The following ME3 variants were observed in gnomAD, a reference collection of about 807,000 sequenced individuals.
ME3 encodes the protein malic enzyme 3.
Under a neutral mutation model 68.9 loss-of-function variants are expected in ME3, and 48 were observed. The observed-to-expected ratio is 0.70, with a 90% CI of 0.55 to 0.89. The LOEUF (loss-of-function observed/expected upper bound fraction) is 0.89, where lower values mean the gene tolerates loss of function less well. Ranked by LOEUF, ME3 falls within the 40% of genes least tolerant of loss-of-function variation. The pLI is 0.00. For missense variants in ME3, 675 were observed against 797.4 expected, an observed-to-expected ratio of 0.85 and a Z score of 1.85; for synonymous variants, 320 against 318.8, an observed-to-expected ratio of 1.00 and a Z score of -0.04.
chr11:86,542,546 AG>A (rs1956112388), intron 4 of ME3, among the ~76,000 whole-genome samples: 1 of 152,242 alleles, frequency 6.6e-6, no homozygotes, highest in South Asian at 2.1e-4. Context: ...AAGCGGTAGA[AG>A]GGTATCAAAG....
At chr11:86,605,636 A>G (rs550884894) in intron 2 of ME3, among the ~76,000 whole-genome samples, 7 of 152,206 alleles carry the variant, frequency 4.6e-5, no homozygotes, top group Non-Finnish European at 8.8e-5. Flanking sequence ...ATCGAAGTCA[A>G]TGATCCTTAA....
chr11:86,663,338 G>A (rs1458681352), intron 2 of ME3, among the ~76,000 whole-genome samples: 3 of 152,070 alleles, frequency 2.0e-5, no homozygotes, highest in African/African-American at 7.2e-5. Flanking sequence ...ACTCTTTACT[G>A]TGTCCTTTTG....
chr11:86,511,648 G>T (rs1016319723), intron 4 of ME3, among the ~76,000 whole-genome samples: 1 of 152,096 alleles, frequency 6.6e-6, no homozygotes, highest in African/African-American at 2.4e-5. Flanking sequence ...AACTGCCTTT[G>T]TAAGACTAAG....
intron 2 of ME3, among the ~76,000 whole-genome samples, chr11:86,647,263 G>C (rs1456801818): frequency 6.6e-6 from 1 of 152,116 alleles, no homozygotes; most frequent in Non-Finnish European, 1.5e-5. Context: ...TGGCAAATTG[G>C]ATAAAGAATC....
intron 2 of ME3, among the ~76,000 whole-genome samples, chr11:86,629,461 C>G (rs1179682446): frequency 6.6e-6 from 1 of 152,152 alleles, no homozygotes; most frequent in Admixed American, 6.5e-5. Flanking sequence ...CCTCCCCCTC[C>G]CCCGTGGGTA....
intron 2 of ME3, among the ~76,000 whole-genome samples, chr11:86,642,979 A>G (rs554745020): frequency 2.0e-5 from 3 of 147,580 alleles, no homozygotes; most frequent in East Asian, 4.6e-4. Flanking sequence ...ATGGATAAAT[A>G]TAAGGTTTCT....
chr11:86,581,226 G>T (rs147320494), intron 2 of ME3, among the ~76,000 whole-genome samples: 5 of 152,318 alleles, frequency 3.3e-5, no homozygotes, highest in African/African-American at 1.2e-4. Flanking sequence ...GTGTATGTGT[G>T]TGTATACACA....
At chr11:86,555,213 G>A (rs1565945510) in intron 4 of ME3, among the ~76,000 whole-genome samples, 4 of 152,176 alleles carry the variant, frequency 2.6e-5, no homozygotes, top group Admixed American at 2.6e-4. Flanking sequence ...GCTGTGACAG[G>A]CTTAGATATC....
At chr11:86,487,340 T>C in exon 7 of ME3, 1 of 1,613,888 alleles carries the variant, frequency 6.2e-7, no homozygotes, top group Non-Finnish European at 8.5e-7. Flanking sequence ...CACTTACTTG[T>C]CTGTCACAGC....
intron 2 of ME3, among the ~76,000 whole-genome samples, chr11:86,571,724 G>T (rs1486598469): frequency 6.6e-6 from 1 of 152,252 alleles, no homozygotes; most frequent in East Asian, 1.9e-4. Context: ...CTGGCCACCT[G>T]GTGGAGAAAC....
intron 7 of ME3, among the ~76,000 whole-genome samples, chr11:86,475,851 G>GTATATATATATATA (rs68158647): frequency 1.5e-4 from 17 of 114,618 alleles, no homozygotes; most frequent in African/African-American, 1.8e-4. Context: ...CTAATATTCA[G>GTATATATATATATA]TATATATATA....
chr11:86,541,921 G>T (rs566008491), intron 4 of ME3, among the ~76,000 whole-genome samples: 3 of 152,308 alleles, frequency 2.0e-5, no homozygotes, highest in South Asian at 2.1e-4. Flanking sequence ...GGCATCTGGT[G>T]GTTGCCCCTC....
At chr11:86,664,241 A>G (rs1054401611) in intron 2 of ME3, among the ~76,000 whole-genome samples, 1 of 152,202 alleles carries the variant, frequency 6.6e-6, no homozygotes, top group Admixed American at 6.5e-5. Flanking sequence ...ATCTCCCATA[A>G]TCTCACTGAC....
chr11:86,559,903 A>G, intron 2 of ME3, 80 bp from the exon 3 acceptor site: 3 of 1,497,678 alleles, frequency 2.0e-6, no homozygotes, highest in Non-Finnish European at 2.7e-6. Context: ...CCACCCACAG[A>G]TAGGTAAAAG....
At chr11:86,669,450 G>T (rs72959410) in intron 2 of ME3, among the ~76,000 whole-genome samples, 11,004 of 152,230 alleles carry the variant, frequency 0.072, 474 homozygotes, top group East Asian at 0.14. Context: ...GTTCCACATG[G>T]CTGGAAAGGT....
At chr11:86,650,874 GA>G (rs971042514) in intron 2 of ME3, among the ~76,000 whole-genome samples, 1 of 152,184 alleles carries the variant, frequency 6.6e-6, no homozygotes, top group Non-Finnish European at 1.5e-5. Context: ...AGGGCACCAG[GA>G]AAATCAGGTC....
chr11:86,593,161 A>G (rs530321841), intron 2 of ME3, among the ~76,000 whole-genome samples: 2 of 152,300 alleles, frequency 1.3e-5, no homozygotes, highest in South Asian at 4.1e-4. Flanking sequence ...TACCCTGACA[A>G]ATGAATGTGG....
chr11:86,636,896 G>A lies in ME3; in HGVS notation c.183+34866C>T, dbSNP rs973097536. The stretch of plus-strand genomic sequence containing the variant: ...TTTGCTTATAGTTACACAGCAGCTG[G>A]TAAGTAGCAGAGTAGGGTCTAAAAG... On this transcript the variant is annotated intron_variant, in intron 2 of 14. Coordinates refer to ENST00000543262, the Ensembl canonical transcript of ME3. 2.6e-5 allele frequency among the ~76,000 whole-genome samples: 4 copies of A among 152,304 alleles called. No homozygotes were observed. The South Asian group carries it at 6.2e-4, about 24-fold the overall frequency.
At chr11:86,518,863 C>A (rs1396144367) in intron 4 of ME3, among the ~76,000 whole-genome samples, 1 of 152,070 alleles carries the variant, frequency 6.6e-6, no homozygotes, top group African/African-American at 2.4e-5. Context: ...GAAGAAATAG[C>A]CAAGGGATGA....
Sources: allele counts gnomAD v4.1 joint callset (sites outside exome capture counted in the v4.1 genomes callset), GRCh38; gene constraint gnomAD v4.1.1; transcripts MANE v1.5; gene names NCBI Gene and HGNC (gene_info 2026-07-23, HGNC 2026-07-21).